LOC128462377: variants seen among roughly 807,000 people sequenced by gnomAD.
chr16:89,391,160 G>A, the LOC128462377 span, among the ~76,000 whole-genome samples: 6 of 151,566 alleles, frequency 4.0e-5, no homozygotes, highest in Non-Finnish European at 7.4e-5. Context: ...CCCGGAAGGC[G>A]GAGCTTGCAG....
chr16:89,326,057 G>C, the LOC128462377 span, among the ~76,000 whole-genome samples: 1 of 152,236 alleles, frequency 6.6e-6, no homozygotes, highest in Non-Finnish European at 1.5e-5. Context: ...AGACGAAGGG[G>C]AGGAGGAGCA....
chr16:89,407,311 GA>G, the LOC128462377 span, among the ~76,000 whole-genome samples: 2 of 151,112 alleles, frequency 1.3e-5, no homozygotes, highest in Non-Finnish European at 3.0e-5. Context: ...GGGGGAAAAA[GA>G]AAAAAAAATT....
At chr16:89,352,071 G>A in the LOC128462377 span, among the ~76,000 whole-genome samples, 271 of 152,264 alleles carry the variant, frequency 1.8e-3, 2 homozygotes, top group African/African-American at 5.8e-3. Flanking sequence ...GGTAATTTGT[G>A]TAGAGGCGGG....
At chr16:89,410,643 T>C in the LOC128462377 span, among the ~76,000 whole-genome samples, 81,828 of 152,150 alleles carry the variant, frequency 0.54, 22,208 homozygotes, top group Middle Eastern at 0.72. Context: ...CACCATCAGA[T>C]ATGAACAAGA....
the LOC128462377 span, among the ~76,000 whole-genome samples, chr16:89,335,805 A>G: frequency 2.6e-5 from 4 of 152,144 alleles, no homozygotes; most frequent in Admixed American, 6.5e-5. Context: ...AGCTTGTTTT[A>G]CGGTTTGACC....
At chr16:89,337,355 T>C in the LOC128462377 span, among the ~76,000 whole-genome samples, 2 of 150,734 alleles carry the variant, frequency 1.3e-5, no homozygotes, top group Non-Finnish European at 3.0e-5. Context: ...TCTCATTGGA[T>C]TTGCCATCAG....
At chr16:89,338,186 C>T in the LOC128462377 span, among the ~76,000 whole-genome samples, 2 of 152,170 alleles carry the variant, frequency 1.3e-5, no homozygotes, top group Non-Finnish European at 2.9e-5. Flanking sequence ...CCGAGACGCA[C>T]TCTCACTGTG....
chr16:89,317,114 G>T, the LOC128462377 span: 1 of 1,385,708 alleles, frequency 7.2e-7, no homozygotes, highest in Non-Finnish European at 9.9e-7. Context: ...ACTGAATTCA[G>T]AGGCAGCTCA....
chr16:89,409,533 G>C, the LOC128462377 span, among the ~76,000 whole-genome samples: 1 of 152,172 alleles, frequency 6.6e-6, no homozygotes, highest in Non-Finnish European at 1.5e-5. Context: ...AGCAGGAAAG[G>C]CTGGGTGCTG....
chr16:89,324,337 G>C, the LOC128462377 span: 7 of 1,177,802 alleles, frequency 5.9e-6, no homozygotes, highest in Non-Finnish European at 7.9e-6. Flanking sequence ...GGCGACGTGG[G>C]TGCCTCACAG....
chr16:89,373,479 C>T, the LOC128462377 span: 2 of 152,312 alleles, frequency 1.3e-5, no homozygotes, highest in Non-Finnish European at 2.9e-5. Context: ...TCCTTCGAGC[C>T]GTGCACGGCC....
chr16:89,411,378 C>A, the LOC128462377 span, among the ~76,000 whole-genome samples: 2 of 152,362 alleles, frequency 1.3e-5, no homozygotes, highest in East Asian at 3.9e-4. Flanking sequence ...CCTGGCTGGG[C>A]CAGACGCTAC....
chr16:89,332,751 CCTGA>C, the LOC128462377 span, among the ~76,000 whole-genome samples: 1 of 152,214 alleles, frequency 6.6e-6, no homozygotes, highest in Non-Finnish European at 1.5e-5. Context: ...GCCCCGCTGC[CCTGA>C]CCTCCCTAGT....
the LOC128462377 span, among the ~76,000 whole-genome samples, chr16:89,356,711 G>T: frequency 6.8e-6 from 1 of 148,042 alleles, no homozygotes; most frequent in African/African-American, 2.5e-5. Flanking sequence ...AACCCGGGAG[G>T]CCGAGCTTGC....
chr16:89,398,725 CAG>C, the LOC128462377 span, among the ~76,000 whole-genome samples: 1 of 151,798 alleles, frequency 6.6e-6, no homozygotes, highest in African/African-American at 2.4e-5. Context: ...GCCTCAGTGA[CAG>C]AGAGAGATTG....
chr16:89,384,961 C>A, the LOC128462377 span, among the ~76,000 whole-genome samples: 1 of 137,844 alleles, frequency 7.3e-6, no homozygotes, highest in Non-Finnish European at 1.5e-5. Flanking sequence ...TCTCAGCTCA[C>A]TGCAACCTCT....
chr16:89,317,642 G>C, the LOC128462377 span, among the ~76,000 whole-genome samples: 1 of 152,202 alleles, frequency 6.6e-6, no homozygotes, highest in African/African-American at 2.4e-5. Flanking sequence ...GCGAGTCCCA[G>C]CAGCTCCGAG....
chr16:89,411,349 C>T, the LOC128462377 span, among the ~76,000 whole-genome samples: 2 of 152,220 alleles, frequency 1.3e-5, no homozygotes, highest in Admixed American at 6.5e-5. Flanking sequence ...TTGACTGCAC[C>T]GGAAGAGGAG....
At chr16:89,391,234 A>G in the LOC128462377 span, among the ~76,000 whole-genome samples, 13 of 151,938 alleles carry the variant, frequency 8.6e-5, no homozygotes, top group East Asian at 2.1e-3. Context: ...TCTCAAAAAA[A>G]AAAAAAAAAA....
Sources: allele counts gnomAD v4.1 joint callset (sites outside exome capture counted in the v4.1 genomes callset), GRCh38; gene constraint gnomAD v4.1.1; transcripts MANE v1.5.